RBM18: variants seen among roughly 807,000 people sequenced by gnomAD.
The protein encoded by RBM18 is probable RNA-binding protein 18.
A neutral mutation model predicts 26.4 loss-of-function variants in RBM18; 18 were observed. The observed-to-expected ratio is 0.68, with a 90% confidence interval of 0.47 to 1.01. The LOEUF (loss-of-function observed/expected upper bound fraction) is 1.01. Ranked by LOEUF, RBM18 falls within the 50% of genes least tolerant of loss-of-function variation. The pLI is 0.00. For missense variants in RBM18, 180 were observed against 219.2 expected (o/e 0.82, Z 1.13); for synonymous variants, 74 against 81.1 (o/e 0.91, Z 0.47).
intron 2 of RBM18, 99 bp from the exon 3 acceptor site, chr9:122,252,072 T>C: frequency 6.6e-7 from 1 of 1,512,024 alleles, no homozygotes; most frequent in Non-Finnish European, 9.0e-7. Flanking sequence ...ACCCCAGGGA[T>C]GAAATCTCTC....
rs1831609207 is a variant in RBM18, at chr9:122,251,766, A to G, written c.240+81T>C. The G allele has an allele frequency of 3.0e-6, 4 of 1,336,122 alleles. No homozygotes were observed. The East Asian group carries it at 7.1e-5, about 24-fold the overall frequency. The allele number at this position is 1,336,122 out of a possible 1,614,324, so 82.8% of individuals were successfully genotyped here. ...TGGCTCCTGCCTACAGGGAACTGCT[A>G]TTCTAGTAGGCAAGAGACATGCACA... On this transcript the variant is annotated intron_variant, in intron 3 of 5. Coordinates refer to ENST00000417201, the MANE Select transcript of RBM18 (RefSeq NM_033117.4).
Position 122,251,880 on chromosome 9 carries a change from T to G in RBM18, c.207A>C (p.Arg69=). The change falls in exon 3 of 6, where the codon CGA becomes CGC. Residue 69 remains arginine, a synonymous_variant. Coordinates refer to ENST00000417201, the MANE Select transcript of RBM18 (RefSeq NM_033117.4). ...TTTCAAAGTTAACAAAACAGTAGCCTCGAGGCTGTCCCTCCAAAGCACCTG... is the reference window on the plus strand; with the variant it reads ...TTTCAAAGTTAACAAAACAGTAGCCGCGAGGCTGTCCCTCCAAAGCACCTG... ...HKSGALEGQP[R]GYCFVNFETK... is the part of the protein sequence containing the mutation. 2 of 1,614,128 alleles carry G rather than the reference T, an allele frequency of 1.2e-6. No homozygotes were observed. Among genetic ancestry groups the G allele is most frequent in the Non-Finnish European group, 1.7e-6 (2 of 1,179,976 alleles).
At chr9:122,243,393 G>C (rs1831455668) in intron 5 of RBM18, among the ~76,000 whole-genome samples, 1 of 152,220 alleles carries the variant, frequency 6.6e-6, no homozygotes. Context: ...ACAAACTGTA[G>C]TGAGGATTCA....
Position 122,260,215 on chromosome 9 carries a change from G to A in RBM18, c.113+1165C>T, listed in dbSNP as rs372734467. 5.3e-5 allele frequency among the ~76,000 whole-genome samples: 8 copies of A among 152,128 alleles called. No individual in the cohort carries two copies. The South Asian group carries it at 6.2e-4, about 12-fold the overall frequency. On this transcript the variant is annotated intron_variant, in intron 2 of 5. Transcript: ENST00000417201. ...CACAAAAATCAGCCAGCATGGTGGC[G>A]CATGCCTGTAGTCCCAACTACTCGG...
intron 2 of RBM18, among the ~76,000 whole-genome samples, chr9:122,257,375 T>C (rs1831714934): frequency 6.6e-6 from 1 of 152,182 alleles, no homozygotes; most frequent in Non-Finnish European, 1.5e-5. Flanking sequence ...CTCGATCTCC[T>C]GACCTCGTGA....
intron 2 of RBM18, among the ~76,000 whole-genome samples, chr9:122,253,126 C>G (rs1308230434): frequency 6.6e-6 from 1 of 152,160 alleles, no homozygotes; most frequent in Non-Finnish European, 1.5e-5. Context: ...AATTCTACCC[C>G]ACAGGGAGTC....
chr9:122,242,081 G>C (rs754899471), intron 5 of RBM18, 38 bp from the exon 6 acceptor site: 24 of 1,603,640 alleles, frequency 1.5e-5, no homozygotes, highest in East Asian at 2.2e-5. Flanking sequence ...GTGGGCCTAG[G>C]TATATTCAGA....
At chr9:122,247,467 G>C (rs376678303) in intron 4 of RBM18, 51 bp downstream of exon 4, 1 of 1,493,162 alleles carries the variant, frequency 6.7e-7, no homozygotes, top group African/African-American at 1.4e-5. Flanking sequence ...CCATCTTTCA[G>C]AAGGCTTGTT....
rs770594706 is a variant in RBM18, at chr9:122,239,036, T to C, written c.*2848A>G. The C allele has an allele frequency of 6.6e-5, 10 of 152,152 alleles. No individual in the cohort carries two copies. The highest frequency in any genetic ancestry group is 2.6e-4 in the Admixed American group (4 of 15,272). The allele number at this position is 152,152 out of a possible 1,614,324, so 9.4% of individuals were successfully genotyped here. On this transcript the variant is annotated 3_prime_UTR_variant, in exon 6 of 6. Transcript: ENST00000417201. ...TATTTTAGGAACAAATGATTACATA[T>C]AGGAAATGTTTGACATTTAATTTAT... is the stretch of plus-strand genomic sequence containing the variant.
chr9:122,259,946 G>A (rs188371836), intron 2 of RBM18, among the ~76,000 whole-genome samples: 30 of 152,068 alleles, frequency 2.0e-4, no homozygotes, highest in African/African-American at 5.5e-4. Context: ...CGCCTGCCTC[G>A]TCCTCCCAAA....
At position 122,261,456 on chromosome 9, in the gene RBM18, C is replaced by T. The variant is rs1212029552; in HGVS notation, c.37G>A (p.Ala13Thr). 1 of 1,614,176 alleles carries T rather than the reference C, an allele frequency of 6.2e-7. No individual in the cohort carries two copies. Among genetic ancestry groups the T allele is most frequent in the Admixed American group, 1.7e-5 (1 of 60,028 alleles). ...AGAGAGCCCTCTGAAAGGATGGATG[C>T]ATTCTCCAGGGGAAGAGTTTTGGTT... ...AETKTLPLEN[A>T]SILSEGSLQE... Residue 13 changes from alanine (A) to threonine (T), a missense_variant, in exon 2 of 6, where the codon GCA becomes ACA. By Grantham distance (58) the Ala-to-Thr change is moderately conservative. This residue lies in a region of RBM18 where 49 missense variants were observed against 56.6 expected (regional missense o/e 0.87). Coordinates refer to ENST00000417201, the MANE Select transcript of RBM18 (RefSeq NM_033117.4).
chr9:122,264,411 T>C (rs934804887), intron 1 of RBM18, among the ~76,000 whole-genome samples: 1 of 152,248 alleles, frequency 6.6e-6, no homozygotes, highest in African/African-American at 2.4e-5. Flanking sequence ...TACATTTGTC[T>C]TTCCAGCTGA....
At position 122,240,397 on chromosome 9, in the gene RBM18, A is replaced by C. The variant is rs1406882179; in HGVS notation, c.*1487T>G. 7 of 152,224 alleles carry C rather than the reference A, an allele frequency of 4.6e-5. No homozygotes were observed. The East Asian group carries it at 1.2e-3, about 25-fold the overall frequency. The allele number at this position is 152,224 out of a possible 1,614,324, so 9.4% of individuals were successfully genotyped here. ...AAAGATTAACCTTGGGAAAAGTAAAAAGAATTTCCTTAAACCAGTTTTATG... is the reference window on the plus strand; with the variant it reads ...AAAGATTAACCTTGGGAAAAGTAAACAGAATTTCCTTAAACCAGTTTTATG... On this transcript the variant is annotated 3_prime_UTR_variant, in exon 6 of 6. Transcript: ENST00000417201.
At position 122,247,599 on chromosome 9, in the gene RBM18, T is replaced by G; in HGVS notation, c.246A>C (p.Ala82=). ...CATTGAGACACTGGATGGCTTGCTC[T>G]GCTTCCTGTCCAGGAAAGGGACAAA... ...CFVNFETKQE[A]EQAIQCLNGK... Residue 82 remains alanine, a synonymous_variant, in exon 4 of 6, where the codon GCA becomes GCC. Transcript: ENST00000417201. The G allele has an allele frequency of 6.2e-7, 1 of 1,613,676 alleles. No individual in the cohort carries two copies. Among genetic ancestry groups the G allele is most frequent in the Non-Finnish European group, 8.5e-7 (1 of 1,179,798 alleles).
At chr9:122,262,668 C>T (rs1831822921) in intron 1 of RBM18, among the ~76,000 whole-genome samples, 1 of 152,132 alleles carries the variant, frequency 6.6e-6, no homozygotes, top group Non-Finnish European at 1.5e-5. Flanking sequence ...ACTACAACTT[C>T]CACTTCCCGG....
chr9:122,255,908 A>C (rs1340476343), intron 2 of RBM18, among the ~76,000 whole-genome samples: 1 of 151,778 alleles, frequency 6.6e-6, no homozygotes, highest in Non-Finnish European at 1.5e-5. Context: ...CTGAGGTGGG[A>C]GGATTGCCTG....
intron 5 of RBM18, among the ~76,000 whole-genome samples, chr9:122,242,663 GTT>G (rs71923495): frequency 9.6e-5 from 14 of 146,576 alleles, no homozygotes; most frequent in East Asian, 6.0e-4. Context: ...TACTTATACT[GTT>G]TTTTTTTTTT....
chr9:122,243,885 A>C (rs1280952827), intron 5 of RBM18: 2 of 984,526 alleles, frequency 2.0e-6, no homozygotes, highest in East Asian at 2.3e-4. Context: ...AAAAAAATAG[A>C]TGGAAAACCC....
At chr9:122,254,531 A>G (rs540238004) in intron 2 of RBM18, among the ~76,000 whole-genome samples, 12 of 152,164 alleles carry the variant, frequency 7.9e-5, no homozygotes, top group African/African-American at 2.2e-4. Flanking sequence ...GGCTTGCTTC[A>G]CTTAATGAAA....
Sources: allele counts gnomAD v4.1 joint callset (sites outside exome capture counted in the v4.1 genomes callset), GRCh38; gene constraint gnomAD v4.1.1; regional missense constraint gnomAD v4.1.1; transcripts MANE v1.5; gene names NCBI Gene and HGNC (gene_info 2026-07-23, HGNC 2026-07-21).